VIPR2: variants seen among roughly 807,000 people sequenced by gnomAD.
VIPR2 encodes vasoactive intestinal polypeptide receptor 2.
A neutral mutation model predicts 58.0 loss-of-function variants in VIPR2; 48 were observed. That is an observed-to-expected ratio of 0.83 (90% CI 0.66 to 1.05). The LOEUF is 1.05. Ranked by LOEUF, VIPR2 falls within the 50% of genes least tolerant of loss-of-function variation. VIPR2 has a pLI of 0.00. For synonymous variants in VIPR2, 243 were observed against 235.2 expected (o/e 1.03, Z -0.30); for missense variants, 534 against 558.0 (o/e 0.96, Z 0.43).
At chr7:159,109,655 C>T (rs1045338832) in intron 3 of VIPR2, among the ~76,000 whole-genome samples, 157 bp downstream of exon 3, 2 of 152,316 alleles carry the variant, frequency 1.3e-5, no homozygotes, top group South Asian at 2.1e-4. Context: ...CTCCCTAAGA[C>T]GGGCACTCAC....
intron 2 of VIPR2, among the ~76,000 whole-genome samples, chr7:159,130,426 TG>T (rs1409502485): frequency 6.7e-6 from 1 of 148,344 alleles, no homozygotes; most frequent in African/African-American, 2.5e-5. Flanking sequence ...ATCACTATTA[TG>T]GAACCTAAGA....
chr7:159,043,490 G>A (rs1854468537), intron 5 of VIPR2, among the ~76,000 whole-genome samples: 1 of 152,188 alleles, frequency 6.6e-6, no homozygotes, highest in African/African-American at 2.4e-5. Flanking sequence ...TCCCAACAAA[G>A]GAGGTCAGTG....
At chr7:159,072,992 T>C (rs1023367776) in intron 4 of VIPR2, among the ~76,000 whole-genome samples, 2 of 152,242 alleles carry the variant, frequency 1.3e-5, no homozygotes, top group Admixed American at 6.5e-5. Flanking sequence ...TTTTAAAGTC[T>C]GTGAAATATA....
At chr7:159,085,468 G>T (rs1857121494) in intron 4 of VIPR2, among the ~76,000 whole-genome samples, 1 of 152,152 alleles carries the variant, frequency 6.6e-6, no homozygotes, top group South Asian at 2.1e-4. Context: ...GCTAATTTTT[G>T]TATTTTTAGT....
intron 4 of VIPR2, among the ~76,000 whole-genome samples, chr7:159,072,786 G>A (rs1856472690): frequency 6.6e-6 from 1 of 152,264 alleles, no homozygotes; most frequent in African/African-American, 2.4e-5. Context: ...GCCTAATAGA[G>A]TAGATTATTT....
In VIPR2 at chr7:159,031,209, C is replaced by T. The variant is rs547135623; in HGVS notation, c.1144-420G>A. 2.6e-5 allele frequency among the ~76,000 whole-genome samples: 4 copies of T among 152,138 alleles called. No homozygotes were observed. Among genetic ancestry groups the T allele is most frequent in the East Asian group, 3.9e-4 (2 of 5,180 alleles). ...TGGGGATGAGTGAGGGGTGCCCGGACGGCAGAGGAGGGAGGAGGACAAGTG... is the reference window on the plus strand; with the variant it reads ...TGGGGATGAGTGAGGGGTGCCCGGATGGCAGAGGAGGGAGGAGGACAAGTG... On this transcript the variant is annotated intron_variant, in intron 12 of 12. Coordinates refer to ENST00000262178, the MANE Select transcript of VIPR2 (RefSeq NM_003382.5). The surrounding 1 kb of genome is among the most constrained non-coding windows in gnomAD (Gnocchi z 4.0).
chr7:159,066,533 C>G (rs1585404917), intron 4 of VIPR2, among the ~76,000 whole-genome samples: 1 of 152,240 alleles, frequency 6.6e-6, no homozygotes, highest in Admixed American at 6.5e-5. Flanking sequence ...GGCACCATCC[C>G]GTGGATTCCA....
intron 2 of VIPR2, among the ~76,000 whole-genome samples, chr7:159,123,835 A>G (rs1796558861): frequency 6.6e-6 from 1 of 152,160 alleles, no homozygotes. Flanking sequence ...CTTTTTAACA[A>G]GAGCCATTCT....
At chr7:159,043,286 A>G in intron 5 of VIPR2, 110 bp from the exon 6 acceptor site, 2 of 999,324 alleles carry the variant, frequency 2.0e-6, no homozygotes, top group Admixed American at 3.5e-5. Context: ...GCACAGAAAA[A>G]TAAAAGAGTT....
At chr7:159,070,311 C>A (rs1328492452) in intron 4 of VIPR2, among the ~76,000 whole-genome samples, 1 of 152,162 alleles carries the variant, frequency 6.6e-6, no homozygotes, top group Admixed American at 6.5e-5. Flanking sequence ...CCCGGTGCTG[C>A]CACTGCGGTC....
rs948051916 is a variant in VIPR2 at position 159,051,643 on chromosome 7, C to G, written c.455+6838G>C. 2.1e-4 allele frequency among the ~76,000 whole-genome samples: 32 copies of G among 152,160 alleles called. 1 individual carries two copies. Among genetic ancestry groups the G allele is most frequent in the African/African-American group, 7.7e-4 (32 of 41,536 alleles). On this transcript the variant is annotated intron_variant, in intron 5 of 12. Transcript: ENST00000262178. ...CAATTAAATGGAGCTTATAAAATATCTACATTTAATATAAAACACAGGGAA... is the reference window on the plus strand; with the variant it reads ...CAATTAAATGGAGCTTATAAAATATGTACATTTAATATAAAACACAGGGAA...
rs949902428 is a variant in VIPR2 at position 159,098,905 on chromosome 7, C to T, written c.357+4852G>A. Among the ~76,000 whole-genome samples the T allele has an allele frequency of 2.0e-5, 3 of 152,232 alleles. No homozygotes were observed. The highest frequency in any genetic ancestry group is 6.5e-5 in the Admixed American group (1 of 15,284). The stretch of plus-strand genomic sequence containing the variant: ...GATGGGACGAAGCGTGAGCTCCGGG[C>T]AGGAGAAACTCTGTTCAGTTCAGCT... On this transcript the variant is annotated intron_variant, in intron 4 of 12. Transcript: ENST00000262178. This position sits in a 1 kb window ranked among gnomAD's most constrained non-coding sequence, Gnocchi z 5.2.
chr7:159,084,631 G>A (rs1857079018), intron 4 of VIPR2, among the ~76,000 whole-genome samples: 1 of 152,244 alleles, frequency 6.6e-6, no homozygotes. Context: ...TGGCGGCGTG[G>A]CCTCACGCTG....
At chr7:159,041,051 C>T (rs1449791860) in intron 6 of VIPR2, among the ~76,000 whole-genome samples, 2 of 152,252 alleles carry the variant, frequency 1.3e-5, no homozygotes, top group African/African-American at 2.4e-5. Flanking sequence ...TGGGGCCCCA[C>T]ATGCACCTGG....
rs967841091 is a variant in VIPR2, at chr7:159,095,982, C to T, written c.357+7775G>A. ...TGTGTGGTGTATGATCTGGAGGCTCCCCGGGGGCTCCTGGCAACAAGCTGC... is the reference window on the plus strand; with the variant it reads ...TGTGTGGTGTATGATCTGGAGGCTCTCCGGGGGCTCCTGGCAACAAGCTGC... On this transcript the variant is annotated intron_variant, in intron 4 of 12. Transcript: ENST00000262178. The surrounding 1 kb of genome is among the most constrained non-coding windows in gnomAD (Gnocchi z 5.2). 6.6e-6 allele frequency among the ~76,000 whole-genome samples: 1 copy of T among 152,090 alleles called. No individual in the cohort carries two copies. The highest frequency in any genetic ancestry group is 1.9e-4 in the East Asian group (1 of 5,178).
chr7:159,031,357 T>C lies in VIPR2; in HGVS notation c.1143+471A>G, dbSNP rs1389541590. ...GGGGTCAGGGGACGGGGCCAGGCCG[T>C]TGGAGCAGCCCGGAGACAGCCTCCC... On this transcript the variant is annotated intron_variant, in intron 12 of 12. Transcript: ENST00000262178. The surrounding 1 kb of genome is among the most constrained non-coding windows in gnomAD (Gnocchi z 4.0). The C allele has an allele frequency of 1.2e-5, 11 of 897,152 alleles. No homozygotes were observed. The highest frequency in any genetic ancestry group is 1.3e-5 in the Non-Finnish European group (10 of 749,488). 55.6% of individuals were successfully genotyped at this position (897,152 alleles called of 1,614,324 possible). A position where few individuals can be genotyped will look rare whatever the true frequency, so the allele number is the denominator to read the frequency against.
intron 2 of VIPR2, chr7:159,117,010 G>A: frequency 5.9e-6 from 2 of 336,890 alleles, no homozygotes; most frequent in Non-Finnish European, 1.1e-5. Context: ...CTTACGACAT[G>A]CTCCCCCTTA....
chr7:159,062,581 G>C (rs1855758893), intron 4 of VIPR2, among the ~76,000 whole-genome samples: 1 of 152,062 alleles, frequency 6.6e-6, no homozygotes, highest in African/African-American at 2.4e-5. Context: ...TGGGTTTGTG[G>C]TCTCGCTGGT....
Position 159,116,018 on chromosome 7 carries a change from C to G in VIPR2, c.152-6099G>C, listed in dbSNP as rs150100025. On this transcript the variant is annotated intron_variant, in intron 2 of 12. Transcript: ENST00000262178. The stretch of plus-strand genomic sequence containing the variant: ...GCTGCTGTGAGCTCCACCCATTGGA[C>G]ATGGGGTCTTGTCCCCACCCTGCTA... 3.9e-4 allele frequency among the ~76,000 whole-genome samples: 60 copies of G among 152,332 alleles called. No individual in the cohort carries two copies. The East Asian group carries it at 9.5e-3, about 24-fold the overall frequency.
Sources: gnomAD v4.1 joint callset for allele counts (sites outside exome capture counted in the v4.1 genomes callset) on GRCh38, gnomAD v4.1.1 for gene constraint, Gnocchi (gnomAD v3.1) non-coding constraint, MANE v1.5 for transcripts, NCBI Gene and HGNC (gene_info 2026-07-23, HGNC 2026-07-21) for gene names.